KALRN: variants seen among roughly 807,000 people sequenced by gnomAD.
The protein encoded by KALRN is kalirin RhoGEF kinase, also known as kalirin.
In KALRN, 70 loss-of-function variants were observed where a neutral mutation model predicts 353.7. The observed-to-expected ratio is 0.20, with a 90% CI of 0.16 to 0.24. The LOEUF is 0.24. Among genes scored for constraint, KALRN ranks in the 10% least tolerant of loss-of-function variants. The pLI, the probability that KALRN is intolerant of heterozygous loss-of-function variation, is 1.00. For missense variants in KALRN, 2,791 were observed against 3,756.7 expected, an observed-to-expected ratio of 0.74 and a Z score of 6.72; for synonymous variants, 1,391 against 1,434.8, an observed-to-expected ratio of 0.97 and a Z score of 0.69.
intron 1 of KALRN, among the ~76,000 whole-genome samples, chr3:124,161,047 G>A (rs1261183047): frequency 6.6e-6 from 1 of 152,180 alleles, no homozygotes; most frequent in Non-Finnish European, 1.5e-5. Context: ...GGCTGGTGGT[G>A]ATGGTTGCAC....
rs1477179187 is a variant in KALRN at position 124,723,260 on chromosome 3, A to G, written c.*3790A>G. On this transcript the variant is annotated 3_prime_UTR_variant, in exon 60 of 60. Transcript: ENST00000682506. Reference sequence around the variant, plus strand: ...TATTGCAGCATTTTTTCTTTACTTTAAAATATCTTGTAAATGAAAACATCT... The same window carrying G: ...TATTGCAGCATTTTTTCTTTACTTTGAAATATCTTGTAAATGAAAACATCT... The G allele has an allele frequency of 6.6e-6, 1 of 152,212 alleles. No homozygotes were observed. Among genetic ancestry groups the G allele is most frequent in the Non-Finnish European group, 1.5e-5 (1 of 68,028 alleles). 9.4% of individuals were successfully genotyped at this position (152,212 alleles called of 1,614,324 possible).
At chr3:124,332,529 A>G (rs2080691541) in intron 8 of KALRN, among the ~76,000 whole-genome samples, 1 of 152,134 alleles carries the variant, frequency 6.6e-6, no homozygotes, top group South Asian at 2.1e-4. Flanking sequence ...CCTGTTTTAA[A>G]TTGGAAAGAT....
intron 1 of KALRN, among the ~76,000 whole-genome samples, chr3:124,184,712 C>T (rs941004021): frequency 2.6e-5 from 4 of 151,954 alleles, no homozygotes; most frequent in Admixed American, 6.6e-5. Flanking sequence ...ATTCATTTAC[C>T]GCAATAGACC....
At chr3:124,317,716 T>TAAAA (rs11334433) in intron 6 of KALRN, among the ~76,000 whole-genome samples, 4 of 73,026 alleles carry the variant, frequency 5.5e-5, no homozygotes, top group African/African-American at 1.6e-4. Context: ...CAGGCCTTAT[T>TAAAA]AAAAAAAAAA....
chr3:124,460,844 G>C (rs2059787794), intron 23 of KALRN, among the ~76,000 whole-genome samples: 1 of 152,166 alleles, frequency 6.6e-6, no homozygotes, highest in Admixed American at 6.5e-5. Flanking sequence ...AATTGTCTAA[G>C]CACATTGTAT....
At chr3:124,272,860 G>A (rs1453919731) in intron 5 of KALRN, among the ~76,000 whole-genome samples, 8 of 152,322 alleles carry the variant, frequency 5.3e-5, no homozygotes, top group African/African-American at 1.9e-4. Flanking sequence ...GGAAGGGGGT[G>A]AAGAGGGTGA....
chr3:124,554,015 G>A (rs898558836), intron 33 of KALRN, among the ~76,000 whole-genome samples: 1 of 152,278 alleles, frequency 6.6e-6, no homozygotes, highest in African/African-American at 2.4e-5. Flanking sequence ...TTGAGTCAGT[G>A]TCTAGTTAGA....
intron 37 of KALRN, among the ~76,000 whole-genome samples, chr3:124,642,812 T>TTTTTGTTGTTG (rs1559750075): frequency 1.4e-4 from 19 of 138,300 alleles, no homozygotes; most frequent in East Asian, 2.6e-4. Context: ...CCTCGTTTTT[T>TTTTTGTTGTTG]TTTTTTTTTT....
chr3:124,163,502 G>A, intron 1 of KALRN: 2 of 635,084 alleles, frequency 3.1e-6, no homozygotes, highest in Non-Finnish European at 3.9e-6. Flanking sequence ...AAGAAAAAAT[G>A]TCCCCATCTA....
At chr3:124,388,664 C>T (rs555455035) in intron 11 of KALRN, among the ~76,000 whole-genome samples, 82 of 152,286 alleles carry the variant, frequency 5.4e-4, no homozygotes, top group African/African-American at 1.9e-3. Flanking sequence ...TTGACTTGAG[C>T]TCTCCAGATA....
chr3:124,241,918 T>C (rs1430904108), intron 3 of KALRN, among the ~76,000 whole-genome samples: 1 of 152,088 alleles, frequency 6.6e-6, no homozygotes, highest in Non-Finnish European at 1.5e-5. Context: ...AAAGGAACAC[T>C]GGGGGTGGGC....
chr3:124,132,226 T>G (rs2065379270), intron 1 of KALRN, among the ~76,000 whole-genome samples: 3 of 152,196 alleles, frequency 2.0e-5, no homozygotes, highest in African/African-American at 4.8e-5. Flanking sequence ...ACCACTTTCC[T>G]ATCCCTCCAG....
rs546893950 is a variant in KALRN, at chr3:124,177,623, G to T, written c.74-50367G>T. ...TTGGTGTCTTGTAAAATCCTGGACT[G>T]GCTATAGTCTAGTAAAAGCATCAAG... is the stretch of plus-strand genomic sequence containing the variant. On this transcript the variant is annotated intron_variant, in intron 1 of 59. Coordinates refer to ENST00000682506, the MANE Select transcript of KALRN (RefSeq NM_001388419.1). Among the ~76,000 whole-genome samples, 3 of 152,292 alleles carry T rather than the reference G, an allele frequency of 2.0e-5. No individual in the cohort carries two copies. The South Asian group carries it at 6.2e-4, about 32-fold the overall frequency.
intron 27 of KALRN, 119 bp downstream of exon 27, chr3:124,477,453 G>T (rs551177928): frequency 2.8e-5 from 21 of 761,990 alleles, no homozygotes; most frequent in Admixed American, 2.6e-4. Context: ...ACTGGCCACT[G>T]CAAACCTTAA....
At chr3:124,432,864 C>A (rs2093332206) in intron 16 of KALRN, among the ~76,000 whole-genome samples, 1 of 152,148 alleles carries the variant, frequency 6.6e-6, no homozygotes, top group South Asian at 2.1e-4. Flanking sequence ...GAGATATAGG[C>A]CACTTAGTCT....
At chr3:124,251,379 C>CT (rs200446664) in intron 3 of KALRN, among the ~76,000 whole-genome samples, 1,744 of 120,550 alleles carry the variant, frequency 0.014, 29 homozygotes, top group African/African-American at 0.048. Flanking sequence ...TTCTTTTTTT[C>CT]TTTTTTTTTG....
At chr3:124,582,862 C>T (rs998045242) in intron 34 of KALRN, among the ~76,000 whole-genome samples, 7 of 152,124 alleles carry the variant, frequency 4.6e-5, no homozygotes, top group African/African-American at 1.7e-4. Context: ...TTGACATCCC[C>T]AGGCTCAAGT....
At chr3:124,101,816 T>G (rs1262548801) in intron 1 of KALRN, among the ~76,000 whole-genome samples, 1 of 152,140 alleles carries the variant, frequency 6.6e-6, no homozygotes, top group African/African-American at 2.4e-5. Context: ...AGACTTGGTA[T>G]CTGTGCTTAG....
At chr3:124,318,378 A>G (rs1412169971) in intron 6 of KALRN, among the ~76,000 whole-genome samples, 1 of 152,192 alleles carries the variant, frequency 6.6e-6, no homozygotes, top group East Asian at 1.9e-4. Flanking sequence ...AGAGCTCATC[A>G]CATCTCATAG....
Sources: gnomAD v4.1 joint callset for allele counts (sites outside exome capture counted in the v4.1 genomes callset) on GRCh38, gnomAD v4.1.1 for gene constraint, MANE v1.5 for transcripts, NCBI Gene and HGNC (gene_info 2026-07-23, HGNC 2026-07-21) for gene names.